KSR2: variants seen among roughly 807,000 people sequenced by gnomAD.
KSR2 encodes the protein kinase suppressor of ras 2.
In KSR2, 25 loss-of-function variants were observed where a neutral mutation model predicts 107.8. That is an observed-to-expected ratio of 0.23 (90% CI 0.17 to 0.32). The LOEUF (loss-of-function observed/expected upper bound fraction) is 0.32. Ranked by LOEUF, KSR2 falls within the 10% of genes least tolerant of loss-of-function variation. The probability of loss-of-function intolerance (pLI) is 1.00; values close to 1 mark genes in which losing one functional copy is unlikely to be tolerated. For missense variants in KSR2, 887 were observed against 1,268.9 expected (o/e 0.70, Z 4.57); for synonymous variants, 480 against 507.0 (o/e 0.95, Z 0.71).
At chr12:117,893,270 G>A (rs190010515) in intron 1 of KSR2, among the ~76,000 whole-genome samples, 7 of 152,072 alleles carry the variant, frequency 4.6e-5, no homozygotes, top group Non-Finnish European at 5.9e-5. Flanking sequence ...CTCCCACCCC[G>A]GCCTCCGTGG....
In KSR2 at chr12:117,606,457, C is replaced by A. The variant is rs1245488047; in HGVS notation, c.1172-24098G>T. Among the ~76,000 whole-genome samples, 37 of 90,160 alleles carry A rather than the reference C, an allele frequency of 4.1e-4. 4 individuals carry two copies. The highest frequency in any genetic ancestry group is 1.4e-3 in the African/African-American group (29 of 20,442). The allele number at this position is 90,160 out of a possible 152,430, so 59.1% of individuals were successfully genotyped here. A position where few individuals can be genotyped will look rare whatever the true frequency, so the allele number is the denominator to read the frequency against. On this transcript the variant is annotated intron_variant, in intron 5 of 19. Transcript: ENST00000339824. Reference sequence around the variant, plus strand: ...CCTCCCTCCCCTCCTTCCTCCCTCCCTCCCCTCCTTCCTCCCTCCCTCCTC... The same window carrying A: ...CCTCCCTCCCCTCCTTCCTCCCTCCATCCCCTCCTTCCTCCCTCCCTCCTC...
chr12:117,557,818 C>A (rs1024277876), intron 8 of KSR2, among the ~76,000 whole-genome samples: 3 of 152,156 alleles, frequency 2.0e-5, no homozygotes, highest in Admixed American at 1.3e-4. Flanking sequence ...GGGGTGATCA[C>A]CCCATAGGGC....
chr12:117,794,700 CCAA>C (rs1400571255), intron 3 of KSR2, among the ~76,000 whole-genome samples: 1 of 151,986 alleles, frequency 6.6e-6, no homozygotes, highest in African/African-American at 2.4e-5. Context: ...CACACACACA[CCAA>C]CATGCACACA....
At chr12:117,587,416 G>T (rs1384796780) in intron 5 of KSR2, among the ~76,000 whole-genome samples, 3 of 151,890 alleles carry the variant, frequency 2.0e-5, no homozygotes, top group Non-Finnish European at 4.4e-5. Flanking sequence ...GGAGGAGGGG[G>T]GACAGCAGCC....
intron 3 of KSR2, among the ~76,000 whole-genome samples, chr12:117,801,865 T>G (rs962272757): frequency 6.6e-6 from 1 of 151,966 alleles, no homozygotes; most frequent in Non-Finnish European, 1.5e-5. Context: ...GCAGGTGGCC[T>G]GGGATTCCCA....
intron 1 of KSR2, among the ~76,000 whole-genome samples, chr12:117,941,613 C>CTTTTTTTTTTT (rs139487553): frequency 3.8e-5 from 2 of 52,926 alleles, no homozygotes; most frequent in Non-Finnish European, 6.4e-5. Flanking sequence ...ACAGGCTTTC[C>CTTTTTTTTTTT]TTTTTTTTTT....
intron 14 of KSR2, among the ~76,000 whole-genome samples, chr12:117,495,481 A>C (rs574668539): frequency 3.3e-5 from 5 of 152,344 alleles, no homozygotes; most frequent in Admixed American, 1.3e-4. Flanking sequence ...CAGGAAATGA[A>C]GAGTTATAGA....
At chr12:117,904,081 A>T (rs1201895539) in intron 1 of KSR2, among the ~76,000 whole-genome samples, 2 of 152,184 alleles carry the variant, frequency 1.3e-5, no homozygotes, top group Non-Finnish European at 2.9e-5. Context: ...AAAAATGAAG[A>T]AATCAAAAGT....
intron 5 of KSR2, among the ~76,000 whole-genome samples, chr12:117,636,861 A>G (rs1044569334): frequency 5.3e-5 from 8 of 152,046 alleles, no homozygotes; most frequent in Non-Finnish European, 1.2e-4. Flanking sequence ...AATAAAGGAA[A>G]TAAGAAGGCA....
intron 5 of KSR2, among the ~76,000 whole-genome samples, chr12:117,662,657 G>T (rs767575434): frequency 2.6e-5 from 4 of 152,184 alleles, no homozygotes; most frequent in Non-Finnish European, 5.9e-5. Context: ...ACTCCAGCTG[G>T]TGTCATTACG....
intron 7 of KSR2, among the ~76,000 whole-genome samples, chr12:117,560,704 G>C (rs1405597414): frequency 6.6e-6 from 1 of 152,228 alleles, no homozygotes; most frequent in African/African-American, 2.4e-5. Flanking sequence ...AGTGGACCTA[G>C]TGGAAAGTGT....
At chr12:117,808,365 T>C (rs1211057969) in intron 3 of KSR2, among the ~76,000 whole-genome samples, 3 of 151,982 alleles carry the variant, frequency 2.0e-5, no homozygotes, top group African/African-American at 7.3e-5. Context: ...GCCTCCTAGA[T>C]CCTGGGATTA....
At chr12:117,575,372 C>T (rs1042673156) in intron 7 of KSR2, among the ~76,000 whole-genome samples, 1 of 152,324 alleles carries the variant, frequency 6.6e-6, no homozygotes, top group East Asian at 1.9e-4. Flanking sequence ...TGTCACGGCT[C>T]TTTATGTGTA....
chr12:117,654,985 C>T (rs535441559), intron 5 of KSR2, among the ~76,000 whole-genome samples: 21 of 152,328 alleles, frequency 1.4e-4, no homozygotes, highest in African/African-American at 4.6e-4. Context: ...GACCTGGCTA[C>T]GGCCACTGCT....
intron 4 of KSR2, among the ~76,000 whole-genome samples, chr12:117,744,074 G>A (rs981703725): frequency 1.3e-5 from 2 of 152,144 alleles, no homozygotes; most frequent in African/African-American, 2.4e-5. Context: ...TATAGCATTT[G>A]ATTTCTGTGC....
chr12:117,927,780 T>C (rs567281998), intron 1 of KSR2, among the ~76,000 whole-genome samples: 1 of 152,182 alleles, frequency 6.6e-6, no homozygotes, highest in South Asian at 2.1e-4. Flanking sequence ...TGTGTACTCG[T>C]ATAAAATTAG....
At chr12:117,839,776 C>A (rs1264690208) in intron 3 of KSR2, among the ~76,000 whole-genome samples, 1 of 152,186 alleles carries the variant, frequency 6.6e-6, no homozygotes, top group African/African-American at 2.4e-5. Flanking sequence ...TCCTTTTGAA[C>A]AGATGCAAAG....
chr12:117,810,080 C>T (rs1415958088), intron 3 of KSR2, among the ~76,000 whole-genome samples: 2 of 152,156 alleles, frequency 1.3e-5, no homozygotes, highest in Non-Finnish European at 2.9e-5. Flanking sequence ...AGGCCCCCAG[C>T]CCTCAAGGAC....
At chr12:117,623,558 C>A (rs1041908815) in intron 5 of KSR2, among the ~76,000 whole-genome samples, 4 of 152,214 alleles carry the variant, frequency 2.6e-5, no homozygotes, top group African/African-American at 4.8e-5. Flanking sequence ...AGGACATGAA[C>A]TCATCCTTTT....
Sources: allele counts gnomAD v4.1 joint callset (sites outside exome capture counted in the v4.1 genomes callset), GRCh38; gene constraint gnomAD v4.1.1; transcripts MANE v1.5; gene names NCBI Gene and HGNC (gene_info 2026-07-23, HGNC 2026-07-21).